CLXN: variants seen among roughly 807,000 people sequenced by gnomAD.
The protein encoded by CLXN is EF-hand calcium binding domain 1.
chr8:48,732,295 T>C, the CLXN span, among the ~76,000 whole-genome samples: 3 of 152,202 alleles, frequency 2.0e-5, no homozygotes, highest in Admixed American at 6.5e-5. Context: ...GGGGAAAATT[T>C]ATTTTGAAAC....
the CLXN span, among the ~76,000 whole-genome samples, chr8:48,714,672 T>C: frequency 3.9e-5 from 6 of 152,174 alleles, no homozygotes; most frequent in Admixed American, 3.3e-4. Context: ...ATTAAAAGAA[T>C]GTATATTGCA....
At chr8:48,716,454 G>A in the CLXN span, 18 of 152,466 alleles carry the variant, frequency 1.2e-4, no homozygotes, top group African/African-American at 4.1e-4. Flanking sequence ...GCAGGCTGAA[G>A]GGCTCCTCAA....
At chr8:48,712,006 G>T in the CLXN span, 1 of 152,102 alleles carries the variant, frequency 6.6e-6, no homozygotes, top group Non-Finnish European at 1.5e-5. Context: ...GAGATTATGG[G>T]GATCTTAAAA....
the CLXN span, chr8:48,724,206 T>C: frequency 2.0e-5 from 3 of 152,204 alleles, no homozygotes; most frequent in African/African-American, 4.8e-5. Context: ...ATGCAAATCA[T>C]ATTATATTTC....
At chr8:48,714,490 T>C in the CLXN span, among the ~76,000 whole-genome samples, 10 of 152,344 alleles carry the variant, frequency 6.6e-5, no homozygotes, top group Admixed American at 6.5e-4. Context: ...ATTTTTTTGT[T>C]GTTGACATCT....
the CLXN span, among the ~76,000 whole-genome samples, chr8:48,731,822 A>G: frequency 2.0e-5 from 3 of 152,192 alleles, no homozygotes; most frequent in African/African-American, 4.8e-5. Context: ...GAATGGTAAG[A>G]CTAAAGAATG....
At chr8:48,728,019 C>A in the CLXN span, among the ~76,000 whole-genome samples, 2,030 of 152,084 alleles carry the variant, frequency 0.013, 52 homozygotes, top group African/African-American at 0.045. Flanking sequence ...GGGGAAAAGT[C>A]AAAAATGTGT....
the CLXN span, among the ~76,000 whole-genome samples, chr8:48,725,870 T>A: frequency 6.6e-6 from 1 of 152,184 alleles, no homozygotes; most frequent in Admixed American, 6.5e-5. Flanking sequence ...AAGGTTTCAC[T>A]AGAGAGGGAA....
At chr8:48,727,797 C>A in the CLXN span, among the ~76,000 whole-genome samples, 1 of 152,122 alleles carries the variant, frequency 6.6e-6, no homozygotes. Flanking sequence ...AGCTAACAAT[C>A]TAGGCTAGGT....
At chr8:48,716,577 C>G in the CLXN span, 1 of 152,216 alleles carries the variant, frequency 6.6e-6, no homozygotes, top group Non-Finnish European at 1.5e-5. Context: ...AGGAAAACAA[C>G]ACGTGAACAA....
the CLXN span, among the ~76,000 whole-genome samples, chr8:48,726,549 C>T: frequency 6.7e-6 from 1 of 148,292 alleles, no homozygotes; most frequent in Non-Finnish European, 1.5e-5. Context: ...ATCCATCCAT[C>T]TACCTACCCG....
chr8:48,729,914 A>G, the CLXN span: 58 of 1,564,716 alleles, frequency 3.7e-5, 1 homozygote, highest in South Asian at 5.6e-4. Flanking sequence ...TGCTATCAGT[A>G]AGGTAATATT....
chr8:48,735,190 T>C, the CLXN span: 24 of 1,611,348 alleles, frequency 1.5e-5, no homozygotes, highest in African/African-American at 2.7e-4. Context: ...CGGGGGTCTC[T>C]GGGCGCGCGG....
chr8:48,733,769 TC>T, the CLXN span, among the ~76,000 whole-genome samples: 2 of 152,204 alleles, frequency 1.3e-5, no homozygotes, highest in Non-Finnish European at 2.9e-5. Context: ...TTTTGATTGT[TC>T]ACAGAATGAT....
At chr8:48,724,367 T>C in the CLXN span, 2 of 159,556 alleles carry the variant, frequency 1.3e-5, no homozygotes, top group African/African-American at 4.8e-5. Flanking sequence ...TTCAATGATT[T>C]TTCAGTGTAC....
the CLXN span, among the ~76,000 whole-genome samples, chr8:48,718,933 C>T: frequency 1.9e-4 from 29 of 151,098 alleles, no homozygotes; most frequent in South Asian, 8.4e-4. Flanking sequence ...GTTAGCAGAA[C>T]GAAAGAAATA....
the CLXN span, among the ~76,000 whole-genome samples, chr8:48,727,975 T>C: frequency 1.2e-4 from 19 of 152,214 alleles, no homozygotes; most frequent in African/African-American, 4.6e-4. Context: ...TGCCACTTAT[T>C]GAGATAGGGA....
chr8:48,727,737 A>T, the CLXN span, among the ~76,000 whole-genome samples: 1 of 152,184 alleles, frequency 6.6e-6, no homozygotes, highest in African/African-American at 2.4e-5. Context: ...TTTTAAACAT[A>T]CTGGACATTG....
At chr8:48,731,739 A>G in the CLXN span, among the ~76,000 whole-genome samples, 4 of 152,318 alleles carry the variant, frequency 2.6e-5, no homozygotes, top group South Asian at 8.3e-4. Context: ...AGTATTAGCC[A>G]AGTTACTAGA....
Sources: gnomAD v4.1 joint callset for allele counts (sites outside exome capture counted in the v4.1 genomes callset) on GRCh38, gnomAD v4.1.1 for gene constraint, MANE v1.5 for transcripts, NCBI Gene and HGNC (gene_info 2026-07-23, HGNC 2026-07-21) for gene names.